Variants in UGT1A8 observed in about 807,000 individuals in gnomAD.
UGT1A8 encodes UDP-glucuronosyltransferase 1A8.
UGT1A8 carries 39 observed loss-of-function variants against 45.3 expected under a neutral mutation model. The ratio of observed to expected loss-of-function variants is 0.86; its 90% CI spans 0.67 to 1.12. UGT1A8 has a LOEUF of 1.12. UGT1A8 is among the 50% of genes most tolerant of loss of function. The pLI is 0.00. For missense variants in UGT1A8, 719 were observed against 664.9 expected, an observed-to-expected ratio of 1.08 and a Z score of -0.90; for synonymous variants, 275 against 249.2, an observed-to-expected ratio of 1.10 and a Z score of -0.97.
At chr2:233,719,461 T>C (rs1219690957) in intron 1 of UGT1A8, 1 of 1,613,972 alleles carries the variant, frequency 6.2e-7, no homozygotes, top group Non-Finnish European at 8.5e-7. Context: ...GTCAAGAACA[T>C]GCTCTACCCT....
chr2:233,660,299 C>G (rs2073938623), intron 1 of UGT1A8, among the ~76,000 whole-genome samples: 2 of 152,148 alleles, frequency 1.3e-5, no homozygotes, highest in African/African-American at 4.8e-5. Flanking sequence ...GTGTAATGAG[C>G]CTTAAAGTGC....
At chr2:233,757,625 G>T (rs550855781) in intron 1 of UGT1A8, among the ~76,000 whole-genome samples, 1 of 148,046 alleles carries the variant, frequency 6.8e-6, no homozygotes, top group East Asian at 2.0e-4. Context: ...AAAGATACAA[G>T]GCAGAACAGA....
chr2:233,618,005 G>A lies in UGT1A8; in HGVS notation c.298G>A (p.Ala100Thr). Residue 100 changes from alanine (A) to threonine (T), a missense_variant, in exon 1 of 5, where the codon GCA becomes ACA. Coordinates refer to ENST00000373450, the MANE Select transcript of UGT1A8 (RefSeq NM_019076.5). ...GGATTTCGCCGATGCTCAATGGAAA[G>A]CACAAGTACGAAGTTTGTTTTCTCT... ...FMDFADAQWK[A>T]QVRSLFSLFL... 1.2e-6 allele frequency: 2 copies of A among 1,614,182 alleles called. No homozygotes were observed. The highest frequency in any genetic ancestry group is 1.7e-6 in the Non-Finnish European group (2 of 1,180,036).
intron 1 of UGT1A8, among the ~76,000 whole-genome samples, chr2:233,715,114 G>A (rs1204303060): frequency 6.6e-6 from 1 of 152,076 alleles, no homozygotes; most frequent in Non-Finnish European, 1.5e-5. Context: ...TCAAATGCCT[G>A]ATCTCAAGTG....
rs372244167 is a variant in UGT1A8 at position 233,672,439 on chromosome 2, G to T, written c.855+53877G>T. On this transcript the variant is annotated intron_variant, in intron 1 of 4. Coordinates refer to ENST00000373450, the MANE Select transcript of UGT1A8 (RefSeq NM_019076.5). ...TTTCTCCCTCCCCTCCGTGGTCTTC[G>T]CCAGGGGAATACTTTGCCACTATCT... 3.7e-6 allele frequency: 6 copies of T among 1,613,606 alleles called. No individual in the cohort carries two copies. The African/African-American group carries it at 5.3e-5, about 14-fold the overall frequency.
intron 1 of UGT1A8, among the ~76,000 whole-genome samples, chr2:233,766,453 G>C (rs1699157656): frequency 6.6e-6 from 1 of 152,214 alleles, no homozygotes; most frequent in Non-Finnish European, 1.5e-5. Context: ...TGCCTGCTAG[G>C]GTCTTGGGGT....
At chr2:233,722,046 G>GT (rs1419489243) in intron 1 of UGT1A8, 1 of 233,802 alleles carries the variant, frequency 4.3e-6, no homozygotes, top group East Asian at 1.2e-4. Flanking sequence ...ATTTTGTGGT[G>GT]TTTCTGGGTC....
intron 1 of UGT1A8, among the ~76,000 whole-genome samples, chr2:233,696,870 C>T (rs899291677): frequency 5.3e-5 from 8 of 152,160 alleles, no homozygotes; most frequent in Non-Finnish European, 8.8e-5. Context: ...TTTTCAGCAT[C>T]TACAACATAT....
Position 233,719,515 on chromosome 2 carries a change from C to A in UGT1A8, c.856-47519C>A, listed in dbSNP as rs764297894. The A allele has an allele frequency of 1.9e-6, 3 of 1,613,962 alleles. No individual in the cohort carries two copies. In the Admixed American group the frequency reaches 5.0e-5, roughly 27 times the overall value. On this transcript the variant is annotated intron_variant, in intron 1 of 4. Coordinates refer to ENST00000373450, the MANE Select transcript of UGT1A8 (RefSeq NM_019076.5). ...TGCCATACTTTTTCTGCCCCTTATG[C>A]AAGTCTTGCCTCTGAGCTTTTTCAG...
intron 1 of UGT1A8, among the ~76,000 whole-genome samples, chr2:233,634,994 C>T (rs1055920961): frequency 4.6e-5 from 7 of 150,702 alleles, no homozygotes; most frequent in African/African-American, 1.7e-4. Flanking sequence ...TAAGGCAGGC[C>T]TGGTGGTGAC....
Position 233,720,871 on chromosome 2 carries a change from ATT to A in UGT1A8, c.856-46145_856-46144del, listed in dbSNP as rs60621337. On this transcript the variant is annotated intron_variant, in intron 1 of 4. Transcript: ENST00000373450. ...CAGGCATGTGCCACTGCTCCTGGCAATTTTTTTTTTTTTTTTTTTAGTAGAGA... is the reference window on the plus strand; with the variant it reads ...CAGGCATGTGCCACTGCTCCTGGCAATTTTTTTTTTTTTTTTTAGTAGAGA... Among the ~76,000 whole-genome samples, 774 of 132,742 alleles carry A rather than the reference ATT, an allele frequency of 5.8e-3. 4 individuals are homozygous for A. Among genetic ancestry groups the A allele is most frequent in the African/African-American group, 0.021 (722 of 34,968 alleles). The allele number at this position is 132,742 out of a possible 152,430, so 87.1% of individuals were successfully genotyped here.
chr2:233,633,396 T>G (rs1054019555), intron 1 of UGT1A8, among the ~76,000 whole-genome samples: 1 of 152,240 alleles, frequency 6.6e-6, no homozygotes, highest in African/African-American at 2.4e-5. Context: ...TACCAGGCCC[T>G]CTTTGTACCT....
chr2:233,640,778 T>C lies in UGT1A8; in HGVS notation c.855+22216T>C, dbSNP rs577219991. ...CTTAGGTAGGGCCAACTCTATACCCTTGGTCAGTAGGAAGCAGTTGGAAGA... is the reference window on the plus strand; with the variant it reads ...CTTAGGTAGGGCCAACTCTATACCCCTGGTCAGTAGGAAGCAGTTGGAAGA... On this transcript the variant is annotated intron_variant, in intron 1 of 4. Coordinates refer to ENST00000373450, the MANE Select transcript of UGT1A8 (RefSeq NM_019076.5). 5.3e-5 allele frequency among the ~76,000 whole-genome samples: 8 copies of C among 152,230 alleles called. No homozygotes were observed. In the South Asian group the frequency reaches 1.7e-3, roughly 32 times the overall value.
At position 233,618,704 on chromosome 2, in the gene UGT1A8, T is replaced by G. The variant is rs2072947171; in HGVS notation, c.855+142T>G. ...GTTTAACAGATTATTTTGTGCCAAT[T>G]TATGTACTCATCAGTTATCAAATTT... On this transcript the variant is annotated intron_variant, in intron 1 of 4. Transcript: ENST00000373450. 2.7e-6 allele frequency: 4 copies of G among 1,474,274 alleles called. No individual in the cohort carries two copies. The East Asian group carries it at 6.8e-5, about 25-fold the overall frequency. 91.3% of individuals were successfully genotyped at this position (1,474,274 alleles called of 1,614,324 possible).
chr2:233,692,752 G>A, intron 1 of UGT1A8: 8 of 1,127,222 alleles, frequency 7.1e-6, no homozygotes, highest in Non-Finnish European at 9.3e-6. Flanking sequence ...AAGCAGACTT[G>A]TGGAGCTGAA....
At chr2:233,765,607 G>A (rs1299491644) in intron 1 of UGT1A8, among the ~76,000 whole-genome samples, 2 of 151,978 alleles carry the variant, frequency 1.3e-5, no homozygotes, top group African/African-American at 4.8e-5. Context: ...GGCTTGTGGC[G>A]GGGTGAGGGG....
At position 233,649,109 on chromosome 2, in the gene UGT1A8, A is replaced by G. The variant is rs1039483988; in HGVS notation, c.855+30547A>G. 10 of 782,600 alleles carry G rather than the reference A, an allele frequency of 1.3e-5. No homozygotes were observed. In the African/African-American group the frequency reaches 1.6e-4, roughly 13 times the overall value. The allele number at this position is 782,600 out of a possible 1,614,324, so 48.5% of individuals were successfully genotyped here. A position where few individuals can be genotyped will look rare whatever the true frequency, so the allele number is the denominator to read the frequency against. On this transcript the variant is annotated intron_variant, in intron 1 of 4. Coordinates refer to ENST00000373450, the MANE Select transcript of UGT1A8 (RefSeq NM_019076.5). ...ATTCCTTACGGAACTGGGATTTGAC[A>G]TTTGTGTTTGTTGCATCTAAAATTT...
intron 1 of UGT1A8, among the ~76,000 whole-genome samples, chr2:233,670,991 G>C (rs2074173914): frequency 6.6e-6 from 1 of 152,116 alleles, no homozygotes; most frequent in African/African-American, 2.4e-5. Flanking sequence ...TATGGATGGG[G>C]GCAGTCCTAT....
At chr2:233,654,867 G>A (rs1167779816) in intron 1 of UGT1A8, among the ~76,000 whole-genome samples, 1 of 152,124 alleles carries the variant, frequency 6.6e-6, no homozygotes, top group Non-Finnish European at 1.5e-5. Context: ...TGAGGTGGGC[G>A]GATCACCTGA....
Sources: allele counts gnomAD v4.1 joint callset (sites outside exome capture counted in the v4.1 genomes callset), GRCh38; gene constraint gnomAD v4.1.1; transcripts MANE v1.5; gene names NCBI Gene and HGNC (gene_info 2026-07-23, HGNC 2026-07-21).